Variants in GON4L observed in about 807,000 individuals in gnomAD.
GON4L encodes the protein gon-4 like, also known as GON-4-like protein.
A neutral mutation model predicts 211.8 loss-of-function variants in GON4L; 87 were observed. The ratio of observed to expected loss-of-function variants is 0.41; its 90% CI spans 0.35 to 0.49. The LOEUF is 0.49. Ranked by LOEUF, GON4L falls within the 20% of genes least tolerant of loss-of-function variation. The probability of loss-of-function intolerance (pLI) is 0.15; values close to 1 mark genes in which losing one functional copy is unlikely to be tolerated. For synonymous variants in GON4L, 875 were observed against 962.6 expected (o/e 0.91, Z 1.68); for missense variants, 2,155 against 2,659.5 (o/e 0.81, Z 4.17).
chr1:155,771,575 C>T (rs1005353938), intron 18 of GON4L, among the ~76,000 whole-genome samples: 46 of 152,104 alleles, frequency 3.0e-4, no homozygotes, highest in African/African-American at 9.9e-4. Flanking sequence ...TGGGCTCAAG[C>T]GATTCCCGTA....
Position 155,816,061 on chromosome 1 carries a change from G to A in GON4L, c.1065+151C>T, listed in dbSNP as rs1571844771. ...AGGCAGAGGTTAAAGTGAATTCCAT[G>A]AGATACAAACCTAAGAGTAATAGAA... On this transcript the variant is annotated intron_variant, in intron 7 of 31. Coordinates refer to ENST00000368331, the MANE Select transcript of GON4L (RefSeq NM_001282860.2). The A allele has an allele frequency of 2.6e-5, 18 of 699,202 alleles. No individual in the cohort carries two copies. The East Asian group carries it at 4.8e-4, about 19-fold the overall frequency. 43.3% of individuals were successfully genotyped at this position (699,202 alleles called of 1,614,324 possible).
chr1:155,772,486 C>T (rs1404061391), intron 18 of GON4L, among the ~76,000 whole-genome samples: 1 of 151,596 alleles, frequency 6.6e-6, no homozygotes, highest in African/African-American at 2.4e-5. Flanking sequence ...GGTGTGGTGG[C>T]TCATGCCTGT....
intron 2 of GON4L, among the ~76,000 whole-genome samples, chr1:155,838,376 G>A (rs1341620955): frequency 6.6e-6 from 1 of 152,180 alleles, no homozygotes; most frequent in African/African-American, 2.4e-5. Context: ...TCAGTTACTG[G>A]CAAAATGCCC....
chr1:155,763,670 C>G, intron 21 of GON4L, 106 bp from the exon 22 acceptor site: 1 of 979,892 alleles, frequency 1.0e-6, no homozygotes, highest in Non-Finnish European at 1.5e-6. Flanking sequence ...ATGGGGAGCC[C>G]ACTACAGCTG....
At chr1:155,775,579 C>T (rs958737125) in intron 16 of GON4L, among the ~76,000 whole-genome samples, 1 of 151,780 alleles carries the variant, frequency 6.6e-6, no homozygotes, top group Non-Finnish European at 1.5e-5. Context: ...ATCTACCTCC[C>T]GAGTAGCTGG....
At chr1:155,834,986 G>T (rs1048339301) in intron 2 of GON4L, among the ~76,000 whole-genome samples, 1 of 152,044 alleles carries the variant, frequency 6.6e-6, no homozygotes, top group Non-Finnish European at 1.5e-5. Context: ...GTACCCAACA[G>T]CTCATTGAGA....
intron 29 of GON4L, 146 bp from the exon 30 acceptor site, chr1:155,752,736 T>G (rs1224918432): frequency 1.4e-5 from 18 of 1,247,422 alleles, no homozygotes; most frequent in Non-Finnish European, 1.9e-5. Context: ...TGTCCGCACT[T>G]TGGGAAGCCA....
intron 27 of GON4L, chr1:155,756,579 G>C (rs1485082326): frequency 4.8e-6 from 1 of 208,716 alleles, no homozygotes; most frequent in Non-Finnish European, 9.8e-6. Flanking sequence ...GTGAGAAAAC[G>C]CAAGGCTTGA....
intron 9 of GON4L, among the ~76,000 whole-genome samples, 175 bp from the exon 10 acceptor site, chr1:155,813,979 G>A (rs1182340902): frequency 6.6e-6 from 1 of 152,232 alleles, no homozygotes; most frequent in East Asian, 1.9e-4. Flanking sequence ...GATCTAATTA[G>A]TTTTCATCCT....
chr1:155,772,969 T>G (rs1435062109), intron 18 of GON4L, 97 bp downstream of exon 18: 2 of 1,487,466 alleles, frequency 1.3e-6, no homozygotes, highest in Non-Finnish European at 9.4e-7. Flanking sequence ...TGTCCGTGTC[T>G]TATTATACAA....
chr1:155,808,785 T>C (rs1362459760), intron 10 of GON4L, among the ~76,000 whole-genome samples: 1 of 151,982 alleles, frequency 6.6e-6, no homozygotes, highest in African/African-American at 2.4e-5. Flanking sequence ...AGTTTTGTGT[T>C]TTTTTTGGTA....
intron 14 of GON4L, among the ~76,000 whole-genome samples, chr1:155,781,979 C>T (rs1664470064): frequency 6.6e-6 from 1 of 152,162 alleles, no homozygotes; most frequent in South Asian, 2.1e-4. Flanking sequence ...CTGGTCTGAA[C>T]TCCTGACCTA....
intron 21 of GON4L, 55 bp from the exon 22 acceptor site, chr1:155,763,619 A>C (rs1662078022): frequency 1.4e-6 from 2 of 1,404,236 alleles, no homozygotes; most frequent in South Asian, 1.4e-5. Flanking sequence ...CATGAATTGC[A>C]AACAACACAA....
At chr1:155,803,551 C>G (rs974448352) in intron 11 of GON4L, among the ~76,000 whole-genome samples, 2 of 152,130 alleles carry the variant, frequency 1.3e-5, no homozygotes, top group African/African-American at 2.4e-5. Flanking sequence ...CCTACTTAGT[C>G]TGTTTCCATC....
Position 155,826,941 on chromosome 1 carries a change from G to C in GON4L, c.593C>G (p.Ser198Ter). 6.2e-7 allele frequency: 1 copy of C among 1,613,898 alleles called. No individual in the cohort carries two copies. Among genetic ancestry groups the C allele is most frequent in the Non-Finnish European group, 8.5e-7 (1 of 1,179,760 alleles). Reference sequence around the variant, plus strand: ...AGAGGCACAAACATCTGGCTGGGTTGATTTCCTGGGCTGGCTTACTGGTTT... The same window carrying C: ...AGAGGCACAAACATCTGGCTGGGTTCATTTCCTGGGCTGGCTTACTGGTTT... Reference protein sequence around the residue: ...SAKPVSQPRKSTQPDVCASPQ... With the variant: ...SAKPVSQPRK Residue 198 changes from serine to a stop codon, truncating the protein, a stop_gained, in exon 3 of 32, where the codon TCA (serine) becomes TGA (stop). Transcript: ENST00000368331. LOFTEE classifies it high-confidence loss of function.
At chr1:155,755,408 G>A (rs1019939411) in intron 27 of GON4L, among the ~76,000 whole-genome samples, 63 of 151,872 alleles carry the variant, frequency 4.1e-4, no homozygotes, top group Non-Finnish European at 7.4e-5. Context: ...ATAGGAATTC[G>A]CAATGTTACT....
At chr1:155,817,537 A>G (rs1668354605) in intron 6 of GON4L, among the ~76,000 whole-genome samples, 1 of 152,194 alleles carries the variant, frequency 6.6e-6, no homozygotes, top group Non-Finnish European at 1.5e-5. Context: ...GATGTGATTC[A>G]GGCCCATTTC....
chr1:155,844,147 T>C (rs1671022234), intron 2 of GON4L, among the ~76,000 whole-genome samples: 1 of 152,214 alleles, frequency 6.6e-6, no homozygotes, highest in Non-Finnish European at 1.5e-5. Context: ...TGGCAGGGGC[T>C]TTGCATACCA....
intron 12 of GON4L, among the ~76,000 whole-genome samples, chr1:155,790,727 C>CCT (rs1428341041): frequency 2.6e-5 from 4 of 151,208 alleles, no homozygotes; most frequent in East Asian, 2.0e-4. Context: ...GGGCGGATCA[C>CCT]AAGGTCAGGA....
Sources: gnomAD v4.1 joint callset for allele counts (sites outside exome capture counted in the v4.1 genomes callset) on GRCh38, gnomAD v4.1.1 for gene constraint, MANE v1.5 for transcripts, NCBI Gene and HGNC (gene_info 2026-07-23, HGNC 2026-07-21) for gene names.